Variants in ALOX5 observed in about 807,000 individuals in gnomAD.
ALOX5 encodes arachidonate 5-lipoxygenase.
A neutral mutation model predicts 87.9 loss-of-function variants in ALOX5; 64 were observed. The observed-to-expected ratio is 0.73, with a 90% CI of 0.60 to 0.90. ALOX5 has a LOEUF of 0.90. Among genes scored for constraint, ALOX5 ranks in the 40% least tolerant of loss-of-function variants. ALOX5 has a pLI of 0.00. For missense variants in ALOX5, 822 were observed against 907.5 expected (o/e 0.91, Z 1.21); for synonymous variants, 388 against 355.1 (o/e 1.09, Z -1.04).
At chr10:45,437,300 CTG>C (rs1842089058) in intron 7 of ALOX5, among the ~76,000 whole-genome samples, 1 of 152,222 alleles carries the variant, frequency 6.6e-6, no homozygotes, top group Non-Finnish European at 1.5e-5. Context: ...TTGCAGTGAG[CTG>C]CGATCACACC....
chr10:45,438,003 A>AT (rs1842110206), intron 7 of ALOX5, among the ~76,000 whole-genome samples: 1 of 152,230 alleles, frequency 6.6e-6, no homozygotes, highest in African/African-American at 2.4e-5. Flanking sequence ...CTAAACAAGC[A>AT]TTTTACTTAT....
chr10:45,383,351 C>T (rs114466168), intron 2 of ALOX5, among the ~76,000 whole-genome samples: 4,202 of 152,356 alleles, frequency 0.028, 214 homozygotes, highest in African/African-American at 0.096. Context: ...GCATCAGAGA[C>T]GGACGCAGGC....
intron 7 of ALOX5, 128 bp downstream of exon 7, chr10:45,428,892 C>A: frequency 7.8e-7 from 1 of 1,283,926 alleles, no homozygotes; most frequent in Non-Finnish European, 1.1e-6. Context: ...TCCTGCAGGC[C>A]CTGAGGTGGG....
rs1842343605 is a variant in ALOX5 at position 45,443,987 on chromosome 10, G to T, written c.1675-129G>T. Reference sequence around the variant, plus strand: ...GCCCGCTCAGCCAAGGGCGCTGGCCGCGGGGAAAGAGGATGGACGGACTGC... The same window carrying T: ...GCCCGCTCAGCCAAGGGCGCTGGCCTCGGGGAAAGAGGATGGACGGACTGC... On this transcript the variant is annotated intron_variant, in intron 12 of 13. Transcript: ENST00000374391. 4 of 1,436,560 alleles carry T rather than the reference G, an allele frequency of 2.8e-6. No individual in the cohort carries two copies. The South Asian group carries it at 4.0e-5, about 14-fold the overall frequency. 89.0% of individuals were successfully genotyped at this position (1,436,560 alleles called of 1,614,324 possible). A position where few individuals can be genotyped will look rare whatever the true frequency, so the allele number is the denominator to read the frequency against.
At chr10:45,382,013 A>C (rs189404016) in intron 1 of ALOX5, among the ~76,000 whole-genome samples, 2 of 152,374 alleles carry the variant, frequency 1.3e-5, no homozygotes, top group Admixed American at 1.3e-4. Context: ...CTTTAATACA[A>C]GTTGTACGTG....
At chr10:45,411,221 T>A (rs1394136996) in intron 3 of ALOX5, among the ~76,000 whole-genome samples, 1 of 152,162 alleles carries the variant, frequency 6.6e-6, no homozygotes. Context: ...TTCATCACCA[T>A]CTTAGTTTTG....
intron 4 of ALOX5, among the ~76,000 whole-genome samples, chr10:45,419,819 G>A (rs2132789269): frequency 6.6e-6 from 1 of 152,334 alleles, no homozygotes; most frequent in African/African-American, 2.4e-5. Context: ...GGAGAGAAGG[G>A]CCCTGAGCTC....
At chr10:45,416,236 C>G (rs1163457522) in intron 4 of ALOX5, among the ~76,000 whole-genome samples, 1 of 152,150 alleles carries the variant, frequency 6.6e-6, no homozygotes, top group African/African-American at 2.4e-5. Context: ...GAAACTGAGT[C>G]TCCAAGGGGT....
chr10:45,414,060 C>A (rs1373857757), intron 4 of ALOX5, among the ~76,000 whole-genome samples: 1 of 152,350 alleles, frequency 6.6e-6, no homozygotes, highest in South Asian at 2.1e-4. Context: ...CTACCAATGA[C>A]TTTCTGCACA....
At chr10:45,396,433 A>C (rs552371567) in intron 3 of ALOX5, among the ~76,000 whole-genome samples, 1 of 152,332 alleles carries the variant, frequency 6.6e-6, no homozygotes, top group African/African-American at 2.4e-5. Context: ...CAGAAATTAA[A>C]ATTAATAAAA....
chr10:45,430,164 G>A (rs559868427), intron 7 of ALOX5, among the ~76,000 whole-genome samples: 2 of 152,300 alleles, frequency 1.3e-5, no homozygotes. Context: ...TCAAAAGCTT[G>A]GCTCAGAGAT....
At chr10:45,397,386 C>A (rs572957316) in intron 3 of ALOX5, among the ~76,000 whole-genome samples, 135 of 151,992 alleles carry the variant, frequency 8.9e-4, no homozygotes, top group Non-Finnish European at 1.7e-3. Context: ...CCCCCACATA[C>A]ACAAAAAAAG....
At chr10:45,384,079 A>G (rs1839931902) in intron 2 of ALOX5, among the ~76,000 whole-genome samples, 1 of 152,180 alleles carries the variant, frequency 6.6e-6, no homozygotes, top group Admixed American at 6.5e-5. Flanking sequence ...CAGAGGGACC[A>G]TGCAGAGTGC....
Position 45,425,378 on chromosome 10 carries a change from A to G in ALOX5, c.834+246A>G, listed in dbSNP as rs1841669443. ...CCATGATGCTCGAGTCTGGGAACAT[A>G]ATGTCAATATTTTCACTATCAGTAT... On this transcript the variant is annotated intron_variant, in intron 6 of 13. Coordinates refer to ENST00000374391, the MANE Select transcript of ALOX5 (RefSeq NM_000698.5). This position sits in a 1 kb window ranked among gnomAD's most constrained non-coding sequence, Gnocchi z 4.4. Among the ~76,000 whole-genome samples, 1 of 152,180 alleles carries G rather than the reference A, an allele frequency of 6.6e-6. No homozygotes were observed. The highest frequency in any genetic ancestry group is 1.5e-5 in the Non-Finnish European group (1 of 68,022).
intron 7 of ALOX5, among the ~76,000 whole-genome samples, chr10:45,434,991 C>T (rs1842017599): frequency 6.6e-6 from 1 of 152,220 alleles, no homozygotes; most frequent in South Asian, 2.1e-4. Context: ...CGCAAAGCTA[C>T]TTCCTTACCC....
intron 2 of ALOX5, among the ~76,000 whole-genome samples, chr10:45,384,190 C>G (rs1839937916): frequency 6.6e-6 from 1 of 152,100 alleles, no homozygotes; most frequent in African/African-American, 2.4e-5. Context: ...GAGCTGCGGC[C>G]CTCAGTAGAA....
At chr10:45,391,947 G>A (rs942126677) in intron 2 of ALOX5, among the ~76,000 whole-genome samples, 25 of 151,692 alleles carry the variant, frequency 1.6e-4, no homozygotes, top group Admixed American at 5.2e-4. Flanking sequence ...GGGAAGTGAG[G>A]AGCGTCTCCG....
At chr10:45,418,486 C>T (rs1225341052) in intron 4 of ALOX5, among the ~76,000 whole-genome samples, 1 of 152,148 alleles carries the variant, frequency 6.6e-6, no homozygotes, top group African/African-American at 2.4e-5. Flanking sequence ...CCTCTGGGAC[C>T]GCGTCTCCAC....
chr10:45,418,856 G>A (rs1404132071), intron 4 of ALOX5, among the ~76,000 whole-genome samples: 2 of 152,246 alleles, frequency 1.3e-5, no homozygotes, highest in East Asian at 1.9e-4. Flanking sequence ...GGGCTGAAAA[G>A]ACAATGTCCT....
Sources: gnomAD v4.1 joint callset for allele counts (sites outside exome capture counted in the v4.1 genomes callset) on GRCh38, gnomAD v4.1.1 for gene constraint, Gnocchi (gnomAD v3.1) non-coding constraint, MANE v1.5 for transcripts, NCBI Gene and HGNC (gene_info 2026-07-23, HGNC 2026-07-21) for gene names.